Variants in FRMD4A observed in about 807,000 individuals in gnomAD.
The protein encoded by FRMD4A is FERM domain-containing protein 4A.
In FRMD4A, 29 loss-of-function variants were observed where a neutral mutation model predicts 129.1. That is an observed-to-expected ratio of 0.22 (90% CI 0.17 to 0.31). FRMD4A has a LOEUF of 0.31. Among genes scored for constraint, FRMD4A ranks in the 10% least tolerant of loss-of-function variants. The pLI is 1.00. For synonymous variants in FRMD4A, 634 were observed against 571.6 expected (o/e 1.11, Z -1.56); for missense variants, 1,272 against 1,375.8 (o/e 0.92, Z 1.19).
At chr10:13,945,562 C>T (rs900989457) in intron 2 of FRMD4A, among the ~76,000 whole-genome samples, 9 of 151,914 alleles carry the variant, frequency 5.9e-5, no homozygotes, top group African/African-American at 1.5e-4. Context: ...AATATGTAGT[C>T]GTAAAGTTTC....
At chr10:14,186,932 G>A (rs1842162743) in intron 2 of FRMD4A, among the ~76,000 whole-genome samples, 1 of 150,042 alleles carries the variant, frequency 6.7e-6, no homozygotes, top group Admixed American at 6.7e-5. Context: ...ACCAGCCTGG[G>A]CAACATACTG....
chr10:13,918,421 G>T (rs1469871106), intron 2 of FRMD4A, among the ~76,000 whole-genome samples: 1 of 148,332 alleles, frequency 6.7e-6, no homozygotes, highest in African/African-American at 2.4e-5. Context: ...TGTTAGAGTG[G>T]TTCATTTATT....
At chr10:14,096,587 A>T (rs929231070) in intron 2 of FRMD4A, among the ~76,000 whole-genome samples, 2 of 152,180 alleles carry the variant, frequency 1.3e-5, no homozygotes, top group Non-Finnish European at 2.9e-5. Context: ...ATATTAGATA[A>T]TTCACCCCAA....
chr10:13,962,363 T>A (rs899905910), intron 2 of FRMD4A, among the ~76,000 whole-genome samples: 8 of 152,174 alleles, frequency 5.3e-5, no homozygotes, highest in African/African-American at 1.4e-4. Flanking sequence ...TCAAAAATAA[T>A]AAAATGCATT....
At chr10:13,989,618 C>T (rs527516055) in intron 2 of FRMD4A, among the ~76,000 whole-genome samples, 16 of 152,282 alleles carry the variant, frequency 1.1e-4, no homozygotes, top group Middle Eastern at 3.4e-3. Context: ...TGAGCCAACG[C>T]GCCCAGCCAA....
At chr10:14,224,043 G>A (rs1589192202) in intron 2 of FRMD4A, among the ~76,000 whole-genome samples, 1 of 152,164 alleles carries the variant, frequency 6.6e-6, no homozygotes, top group Non-Finnish European at 1.5e-5. Flanking sequence ...GACATACATT[G>A]TCCATTGCTC....
chr10:13,991,076 A>G (rs921157713), intron 2 of FRMD4A, among the ~76,000 whole-genome samples: 8 of 152,184 alleles, frequency 5.3e-5, no homozygotes, highest in African/African-American at 1.7e-4. Context: ...CGGTTTTCCT[A>G]AAACACTGTG....
Position 13,654,499 on chromosome 10 carries a change from T to A in FRMD4A, c.2967A>T (p.Gln989His). The change falls in exon 23 of 25, where the codon CAA becomes CAT. Residue 989 changes from glutamine to histidine, a missense_variant. Gln to His is a conservative substitution (Grantham distance 24). Coordinates refer to ENST00000357447, the MANE Select transcript of FRMD4A (RefSeq NM_018027.5). Reference sequence around the variant, plus strand: ...TTGACGGTGTCGAGCTTCTCTGGCTTTGAGGTAAGGCAGCTACATGCAGGT... The same window carrying A: ...TTGACGGTGTCGAGCTTCTCTGGCTATGAGGTAAGGCAGCTACATGCAGGT... ...MCKATSAALP[Q>H]SQRSSTPSSE... is the part of the protein sequence containing the mutation. 6.2e-7 allele frequency: 1 copy of A among 1,612,882 alleles called. No individual in the cohort carries two copies. Among genetic ancestry groups the A allele is most frequent in the Non-Finnish European group, 8.5e-7 (1 of 1,178,978 alleles).
At chr10:14,285,813 T>C (rs1845663265) in intron 2 of FRMD4A, among the ~76,000 whole-genome samples, 1 of 152,260 alleles carries the variant, frequency 6.6e-6, no homozygotes, top group Admixed American at 6.5e-5. Flanking sequence ...CAGGGATCAC[T>C]GCCAGCTGAC....
At chr10:13,849,334 G>A (rs112205300) in intron 3 of FRMD4A, among the ~76,000 whole-genome samples, 42 of 152,260 alleles carry the variant, frequency 2.8e-4, no homozygotes, top group African/African-American at 7.7e-4. Flanking sequence ...AGCACGCCTC[G>A]GTAGATGGCC....
chr10:13,655,527 C>A (rs959718176), intron 22 of FRMD4A: 4 of 142,648 alleles, frequency 2.8e-5, no homozygotes. Context: ...TGGAGCTTGT[C>A]ATTTGGCCAG....
intron 2 of FRMD4A, among the ~76,000 whole-genome samples, chr10:13,916,608 C>A (rs1039333416): frequency 6.6e-6 from 1 of 152,170 alleles, no homozygotes; most frequent in Non-Finnish European, 1.5e-5. Context: ...CAGTAACTTG[C>A]CTGAGGTTCC....
At chr10:14,151,261 A>C (rs554277663) in intron 2 of FRMD4A, among the ~76,000 whole-genome samples, 2 of 152,362 alleles carry the variant, frequency 1.3e-5, no homozygotes, top group African/African-American at 4.8e-5. Context: ...TAAGCAACCT[A>C]AGGGTCCACC....
chr10:13,700,281 T>C (rs770928992), intron 14 of FRMD4A, among the ~76,000 whole-genome samples: 1 of 128,076 alleles, frequency 7.8e-6, no homozygotes, highest in South Asian at 2.4e-4. Flanking sequence ...CACCTCCCCC[T>C]TGACCCCCAA....
chr10:14,068,236 C>G (rs1835154489), intron 2 of FRMD4A, among the ~76,000 whole-genome samples: 1 of 152,146 alleles, frequency 6.6e-6, no homozygotes, highest in Non-Finnish European at 1.5e-5. Context: ...AGAGGCTCAG[C>G]TGGTATCAGT....
intron 3 of FRMD4A, among the ~76,000 whole-genome samples, chr10:13,814,635 A>AG (rs1216077547): frequency 7.4e-5 from 11 of 149,342 alleles, no homozygotes; most frequent in African/African-American, 2.3e-4. Flanking sequence ...AGAGAGAAAA[A>AG]AAAGAAAGAA....
chr10:14,198,813 G>A (rs1423784225), intron 2 of FRMD4A, among the ~76,000 whole-genome samples: 4 of 152,084 alleles, frequency 2.6e-5, no homozygotes, highest in South Asian at 4.1e-4. Context: ...TTCCAACTCC[G>A]CATTTTATGA....
intron 8 of FRMD4A, among the ~76,000 whole-genome samples, chr10:13,754,226 A>C (rs1215067976): frequency 1.3e-5 from 2 of 152,118 alleles, no homozygotes; most frequent in Non-Finnish European, 2.9e-5. Context: ...CTGTCATAAT[A>C]CAAAATTTCC....
intron 2 of FRMD4A, among the ~76,000 whole-genome samples, chr10:14,250,407 G>A (rs773698539): frequency 3.9e-5 from 6 of 152,196 alleles, no homozygotes; most frequent in Non-Finnish European, 5.9e-5. Flanking sequence ...TGTTTTATAA[G>A]CTGTTGCCTC....
Sources: allele counts gnomAD v4.1 joint callset (sites outside exome capture counted in the v4.1 genomes callset), GRCh38; gene constraint gnomAD v4.1.1; transcripts MANE v1.5; gene names NCBI Gene and HGNC (gene_info 2026-07-23, HGNC 2026-07-21).